The following KCNIP3 variants were observed in gnomAD, a reference collection of about 807,000 sequenced individuals.
The protein encoded by KCNIP3 is potassium voltage-gated channel interacting protein 3, also known as calsenilin.
A neutral mutation model predicts 35.0 loss-of-function variants in KCNIP3; 28 were observed. That is an observed-to-expected ratio of 0.80 (90% confidence interval 0.59 to 1.10). KCNIP3 has a LOEUF of 1.10. KCNIP3 is among the 50% of genes least tolerant of loss of function. The pLI is 0.00. For synonymous variants in KCNIP3, 134 were observed against 133.8 expected (o/e 1.00, Z -0.01); for missense variants, 295 against 338.4 (o/e 0.87, Z 1.01).
Position 95,382,042 on chromosome 2 carries a change from G to A in KCNIP3, c.556-335G>A, listed in dbSNP as rs1185160407. ...GCCCCCATCAAGTGAAGGGGGCAGT[G>A]CGGTCCCTTAAGGCATGGGTGGAGA... On this transcript the variant is annotated intron_variant, in intron 6 of 8. Coordinates refer to ENST00000295225, the MANE Select transcript of KCNIP3 (RefSeq NM_013434.5). This position sits in a 1 kb window ranked among gnomAD's most constrained non-coding sequence, Gnocchi z 4.5. 6.6e-6 allele frequency among the ~76,000 whole-genome samples: 1 copy of A among 152,238 alleles called. No homozygotes were observed. Among genetic ancestry groups the A allele is most frequent in the African/African-American group, 2.4e-5 (1 of 41,474 alleles).
At chr2:95,329,498 A>G (rs1185278708) in intron 2 of KCNIP3, among the ~76,000 whole-genome samples, 5 of 152,188 alleles carry the variant, frequency 3.3e-5, no homozygotes, top group Admixed American at 2.0e-4. Context: ...CCCATCCTAC[A>G]GGGGGGTTAA....
In KCNIP3 at chr2:95,382,439, G is replaced by T; in HGVS notation, c.618G>T (p.Leu206=). The T allele has an allele frequency of 2.5e-6, 4 of 1,609,428 alleles. No individual in the cohort carries two copies. The highest frequency in any genetic ancestry group is 3.4e-6 in the Non-Finnish European group (4 of 1,178,176). Residue 206 remains leucine (L), a synonymous_variant, in exon 7 of 9, where the codon CTG becomes CTT. Transcript: ENST00000295225. This position sits in a 1 kb window ranked among gnomAD's most constrained non-coding sequence, Gnocchi z 4.5. ...DMMGRHTYPI[L]REDAPAEHVE... is the part of the protein sequence containing the mutation. ...TGGGCCGCCACACCTACCCCATCCT[G>T]CGGGAGGACGCGCCGGCGGAGCACG...
At position 95,341,143 on chromosome 2, in the gene KCNIP3, G is replaced by A. The variant is rs140161418; in HGVS notation, c.181+30623G>A. The stretch of plus-strand genomic sequence containing the variant: ...CCGTGAGAGGTGACTGGATCATGGC[G>A]TTGTTTCTCATTGATGATTTAGCAG... On this transcript the variant is annotated intron_variant, in intron 2 of 8. Transcript: ENST00000295225. Among the ~76,000 whole-genome samples, 39 of 152,292 alleles carry A rather than the reference G, an allele frequency of 2.6e-4. No homozygotes were observed. In the South Asian group the frequency reaches 3.5e-3, roughly 14 times the overall value.
chr2:95,333,661 T>C (rs1678988719), intron 2 of KCNIP3, among the ~76,000 whole-genome samples: 1 of 152,196 alleles, frequency 6.6e-6, no homozygotes, highest in African/African-American at 2.4e-5. Context: ...GATTCAATGA[T>C]ACTATGTCAG....
chr2:95,328,037 G>A (rs993043266), intron 2 of KCNIP3, among the ~76,000 whole-genome samples: 1 of 152,232 alleles, frequency 6.6e-6, no homozygotes, highest in Non-Finnish European at 1.5e-5. Flanking sequence ...CTGGGGCTCC[G>A]TGGCCCCCAC....
chr2:95,318,046 G>C (rs1221325500), intron 2 of KCNIP3, among the ~76,000 whole-genome samples: 1 of 151,886 alleles, frequency 6.6e-6, no homozygotes, highest in Non-Finnish European at 1.5e-5. Context: ...CCTTATCTGG[G>C]GTAGGGGTGA....
At chr2:95,351,688 C>G (rs1466160516) in intron 2 of KCNIP3, among the ~76,000 whole-genome samples, 3 of 152,196 alleles carry the variant, frequency 2.0e-5, no homozygotes, top group African/African-American at 7.2e-5. Context: ...CTCTGTGGCT[C>G]AGAGGTCTGC....
intron 2 of KCNIP3, among the ~76,000 whole-genome samples, chr2:95,317,199 C>G (rs1347770591): frequency 6.6e-6 from 1 of 152,242 alleles, no homozygotes; most frequent in East Asian, 1.9e-4. Flanking sequence ...TGAGAGCAGG[C>G]TGTTCCCTGT....
In KCNIP3 at chr2:95,377,220, C is replaced by CA. The variant is rs1680223944; in HGVS notation, c.447+2016dup. On this transcript the variant is annotated intron_variant, in intron 5 of 8. Transcript: ENST00000295225. The surrounding 1 kb of genome is among the most constrained non-coding windows in gnomAD (Gnocchi z 4.7). Reference sequence around the variant, plus strand: ...GGCTTGCCAGGACGTGCAGAGCTTCCAAAACGATTCCGTAGACTGTTGGGG... The same window carrying CA: ...GGCTTGCCAGGACGTGCAGAGCTTCCAAAAACGATTCCGTAGACTGTTGGGG... Among the ~76,000 whole-genome samples the CA allele has an allele frequency of 6.6e-6, 1 of 152,242 alleles. No individual in the cohort carries two copies. The highest frequency in any genetic ancestry group is 1.5e-5 in the Non-Finnish European group (1 of 68,048).
At chr2:95,341,567 C>T (rs577294208) in intron 2 of KCNIP3, among the ~76,000 whole-genome samples, 2 of 152,278 alleles carry the variant, frequency 1.3e-5, no homozygotes, top group East Asian at 3.9e-4. Context: ...TCTTGAGATG[C>T]TTTCATATCC....
chr2:95,307,504 A>G (rs1678206450), intron 1 of KCNIP3, among the ~76,000 whole-genome samples: 1 of 152,194 alleles, frequency 6.6e-6, no homozygotes, highest in South Asian at 2.1e-4. Flanking sequence ...CGTCTTACCG[A>G]TTGCAGGGGG....
At chr2:95,335,857 A>C (rs986244790) in intron 2 of KCNIP3, among the ~76,000 whole-genome samples, 7 of 151,708 alleles carry the variant, frequency 4.6e-5, no homozygotes, top group Non-Finnish European at 1.0e-4. Context: ...ATCCTCCTTA[A>C]ATTCTTTTCT....
At chr2:95,379,275 A>G (rs1047954742) in intron 5 of KCNIP3, among the ~76,000 whole-genome samples, 5 of 152,172 alleles carry the variant, frequency 3.3e-5, no homozygotes, top group African/African-American at 1.2e-4. Flanking sequence ...CTTGTTGTCC[A>G]TTGCGATGAT....
At chr2:95,340,995 G>A (rs1420842956) in intron 2 of KCNIP3, among the ~76,000 whole-genome samples, 1 of 152,226 alleles carries the variant, frequency 6.6e-6, no homozygotes, top group African/African-American at 2.4e-5. Flanking sequence ...GGCCAGAGCA[G>A]AGGCTGTGTG....
intron 2 of KCNIP3, among the ~76,000 whole-genome samples, chr2:95,357,085 C>A (rs1181476083): frequency 6.6e-6 from 1 of 152,234 alleles, no homozygotes; most frequent in African/African-American, 2.4e-5. Flanking sequence ...GGCTGGGAAC[C>A]TGGGCAAGGC....
chr2:95,349,024 T>A (rs1209473483), intron 2 of KCNIP3, among the ~76,000 whole-genome samples: 1 of 152,164 alleles, frequency 6.6e-6, no homozygotes, highest in African/African-American at 2.4e-5. Context: ...TAGCAATGCG[T>A]ATGTGAGTGG....
intron 3 of KCNIP3, 24 bp downstream of exon 3, chr2:95,374,444 G>A: frequency 1.9e-6 from 3 of 1,611,862 alleles, no homozygotes; most frequent in Non-Finnish European, 2.5e-6. Context: ...ATTCCCCCGG[G>A]AGAGGCCTTG....
rs202239891 is a variant in KCNIP3 at position 95,375,220 on chromosome 2, C to A, written c.447+12C>A. On this transcript the variant is annotated intron_variant, in intron 5 of 8. Transcript: ENST00000295225. ...CCATCCACTTTGAGGTAGGTCCTCG[C>A]GGATTCCTCCCACGTGTCCTGCCCC... The A allele has an allele frequency of 6.2e-7, 1 of 1,612,516 alleles. No homozygotes were observed. The highest frequency in any genetic ancestry group is 8.5e-7 in the Non-Finnish European group (1 of 1,178,738).
chr2:95,381,256 C>T (rs1462058185), intron 5 of KCNIP3, among the ~76,000 whole-genome samples: 1 of 152,208 alleles, frequency 6.6e-6, no homozygotes, highest in African/African-American at 2.4e-5. Flanking sequence ...TGCGCATGCA[C>T]TCACACAGGT....
Sources: allele counts gnomAD v4.1 joint callset (sites outside exome capture counted in the v4.1 genomes callset), GRCh38; gene constraint gnomAD v4.1.1; non-coding constraint Gnocchi (gnomAD v3.1); transcripts MANE v1.5; gene names NCBI Gene and HGNC (gene_info 2026-07-23, HGNC 2026-07-21).